ESS2: variants seen among roughly 807,000 people sequenced by gnomAD.
ESS2 encodes ess-2 spliceosome associated protein, also known as splicing factor ESS-2 homolog.
In ESS2, 31 loss-of-function variants were observed where a neutral mutation model predicts 52.0. The observed-to-expected ratio is 0.60, with a 90% CI of 0.45 to 0.81. ESS2 has a LOEUF of 0.81. Among genes scored for constraint, ESS2 ranks in the 30% least tolerant of loss-of-function variants. ESS2 has a pLI of 0.00. For missense variants in ESS2, 602 were observed against 637.2 expected (o/e 0.94, Z 0.59); for synonymous variants, 285 against 259.2 (o/e 1.10, Z -0.95).
In ESS2 at chr22:19,132,323, C is replaced by A. The variant is rs145304535; in HGVS notation, c.*1873G>T. 369 of 1,612,900 alleles carry A rather than the reference C, an allele frequency of 2.3e-4. 4 individuals are homozygous for A. In the African/African-American group the frequency reaches 4.1e-3, roughly 18 times the overall value. On this transcript the variant is annotated 3_prime_UTR_variant, in exon 10 of 10. Transcript: ENST00000252137. The surrounding 1 kb of genome is among the most constrained non-coding windows in gnomAD (Gnocchi z 4.2). Reference sequence around the variant, plus strand: ...ACACCAAGACAGGCTTGAGGCCCGACCACCGGCCCGACCACAAGCTTGGAG... The same window carrying A: ...ACACCAAGACAGGCTTGAGGCCCGAACACCGGCCCGACCACAAGCTTGGAG...
chr22:19,134,822 T>C (rs1291200428), intron 9 of ESS2, among the ~76,000 whole-genome samples: 1 of 152,056 alleles, frequency 6.6e-6, no homozygotes, highest in African/African-American at 2.4e-5. Context: ...TAAAGATGCC[T>C]CTTAGGGACG....
At position 19,131,581 on chromosome 22, in the gene ESS2, T is replaced by G; in HGVS notation, c.*2615A>C. 6.2e-7 allele frequency: 1 copy of G among 1,614,120 alleles called. No homozygotes were observed. The highest frequency in any genetic ancestry group is 8.5e-7 in the Non-Finnish European group (1 of 1,180,020). Reference sequence around the variant, plus strand: ...GTGGAGAGATTCCTTCCTCGGGAGATGGACATCCTGGCAACTGTCAACCAC... The same window carrying G: ...GTGGAGAGATTCCTTCCTCGGGAGAGGGACATCCTGGCAACTGTCAACCAC... On this transcript the variant is annotated 3_prime_UTR_variant, in exon 10 of 10. Coordinates refer to ENST00000252137, the MANE Select transcript of ESS2 (RefSeq NM_022719.3). This position sits in a 1 kb window ranked among gnomAD's most constrained non-coding sequence, Gnocchi z 5.7.
chr22:19,133,203 C>G lies in ESS2; in HGVS notation c.*993G>C, dbSNP rs536312733. 7.2e-5 allele frequency: 11 copies of G among 152,438 alleles called. No homozygotes were observed. Among genetic ancestry groups the G allele is most frequent in the African/African-American group, 2.4e-4 (10 of 41,566 alleles). 9.4% of individuals were successfully genotyped at this position (152,438 alleles called of 1,614,324 possible). ...ACTGGCCGGTCTTTTGTGCTTCCTGCTGGGTCACCCATTGCTCCCAAAGCA... is the reference window on the plus strand; with the variant it reads ...ACTGGCCGGTCTTTTGTGCTTCCTGGTGGGTCACCCATTGCTCCCAAAGCA... On this transcript the variant is annotated 3_prime_UTR_variant, in exon 10 of 10. Transcript: ENST00000252137.
rs911454378 is a variant in ESS2 at position 19,136,932 on chromosome 22, G to A, written c.1035+391C>T. Among the ~76,000 whole-genome samples the A allele has an allele frequency of 5.9e-5, 9 of 152,274 alleles. No individual in the cohort carries two copies. In the South Asian group the frequency reaches 1.7e-3, roughly 28 times the overall value. ...TGACCACTCCTACAACACCAGGCTT[G>A]AGCCGTGTAATCCAGCGTGTCCCAA... is the stretch of plus-strand genomic sequence containing the variant. On this transcript the variant is annotated intron_variant, in intron 8 of 9. Coordinates refer to ENST00000252137, the MANE Select transcript of ESS2 (RefSeq NM_022719.3).
At position 19,131,324 on chromosome 22, in the gene ESS2, G is replaced by A. The variant is rs896932986; in HGVS notation, c.*2872C>T. ...AGCCCAGCCAGACGCCTCCGGTAGT[G>A]TAAATGAGGACAATGCCTGCTGGCC... On this transcript the variant is annotated 3_prime_UTR_variant, in exon 10 of 10. Transcript: ENST00000252137. The surrounding 1 kb of genome is among the most constrained non-coding windows in gnomAD (Gnocchi z 5.7). The A allele has an allele frequency of 1.5e-6, 2 of 1,363,512 alleles. No homozygotes were observed. Among genetic ancestry groups the A allele is most frequent in the Non-Finnish European group, 1.0e-6 (1 of 988,796 alleles). The allele number at this position is 1,363,512 out of a possible 1,614,324, so 84.5% of individuals were successfully genotyped here. A position where few individuals can be genotyped will look rare whatever the true frequency, so the allele number is the denominator to read the frequency against.
At chr22:19,138,174 T>G (rs2083617609) in intron 7 of ESS2, 41 bp downstream of exon 7, 2 of 1,610,050 alleles carry the variant, frequency 1.2e-6, no homozygotes, top group Admixed American at 1.7e-5. Flanking sequence ...CCCCAGGGAG[T>G]CCCAGCAGTA....
intron 1 of ESS2, chr22:19,144,088 T>C (rs2083742433): frequency 1.1e-5 from 11 of 1,006,880 alleles, no homozygotes; most frequent in Non-Finnish European, 1.3e-5. Flanking sequence ...CTCCTCCTTC[T>C]GTGTGCGTGT....
chr22:19,132,504 G>A lies in ESS2; in HGVS notation c.*1692C>T, dbSNP rs1473545009. On this transcript the variant is annotated 3_prime_UTR_variant, in exon 10 of 10. Transcript: ENST00000252137. This position sits in a 1 kb window ranked among gnomAD's most constrained non-coding sequence, Gnocchi z 4.2. ...TGACAATGGCCCCGTTGTGTGTGGT[G>A]GGGGTCGGGGTTGGGGGGCATGGTG... The A allele has an allele frequency of 6.3e-7, 1 of 1,576,108 alleles. No individual in the cohort carries two copies. The highest frequency in any genetic ancestry group is 2.3e-5 in the East Asian group (1 of 44,440).
Position 19,132,184 on chromosome 22 carries a change from A to G in ESS2, c.*2012T>C. The G allele has an allele frequency of 6.2e-7, 1 of 1,613,120 alleles. No homozygotes were observed. The highest frequency in any genetic ancestry group is 8.5e-7 in the Non-Finnish European group (1 of 1,179,326). ...CAGCCCGACGTCAGCCAGCGGCTCC[A>G]CATCGATGAGATCCTCAGCCACTCG... On this transcript the variant is annotated 3_prime_UTR_variant, in exon 10 of 10. Transcript: ENST00000252137. The surrounding 1 kb of genome is among the most constrained non-coding windows in gnomAD (Gnocchi z 4.2).
Position 19,131,385 on chromosome 22 carries a change from G to GT in ESS2, c.*2810dup. On this transcript the variant is annotated 3_prime_UTR_variant, in exon 10 of 10. Transcript: ENST00000252137. The surrounding 1 kb of genome is among the most constrained non-coding windows in gnomAD (Gnocchi z 5.7). ...GGGGATGTAGACGGCAGCGGCGCCA[G>GT]TCGCTCCTGGCACCATGGACGATGC... is the stretch of plus-strand genomic sequence containing the variant. 1.3e-6 allele frequency: 2 copies of GT among 1,573,064 alleles called. No homozygotes were observed. The highest frequency in any genetic ancestry group is 2.7e-5 in the African/African-American group (2 of 73,700).
chr22:19,135,819 G>A (rs1244735300), intron 8 of ESS2, among the ~76,000 whole-genome samples: 1 of 151,204 alleles, frequency 6.6e-6, no homozygotes, highest in African/African-American at 2.4e-5. Context: ...CTTGAGCTCA[G>A]GCATTGGAGA....
Position 19,139,933 on chromosome 22 carries a change from C to T in ESS2, c.492G>A (p.Gln164=). 1.9e-6 allele frequency: 3 copies of T among 1,614,184 alleles called. No homozygotes were observed. The highest frequency in any genetic ancestry group is 2.5e-6 in the Non-Finnish European group (3 of 1,180,028). Residue 164 remains glutamine, a synonymous_variant, in exon 4 of 10, where the codon CAG becomes CAA. Transcript: ENST00000252137. ...TCTCCTTGGCCACCTCCATGATCTC[C>T]TGGAAGGAGGCATTGTCCTCACTCG... The part of the protein sequence containing the change: ...RYTSEDNASF[Q]EIMEVAKERS...
chr22:19,131,491 C>T lies in ESS2; in HGVS notation c.*2705G>A, dbSNP rs762613886. The T allele has an allele frequency of 6.2e-7, 1 of 1,614,188 alleles. No individual in the cohort carries two copies. Among genetic ancestry groups the T allele is most frequent in the Non-Finnish European group, 8.5e-7 (1 of 1,180,040 alleles). ...TACGCAAAAGTCAAATCTGCCTACT[C>T]TGAGCGCCTCAAGTTCAATGTGGCT... On this transcript the variant is annotated 3_prime_UTR_variant, in exon 10 of 10. Transcript: ENST00000252137. This position sits in a 1 kb window ranked among gnomAD's most constrained non-coding sequence, Gnocchi z 5.7.
Position 19,133,382 on chromosome 22 carries a change from G to A in ESS2, c.*814C>T, listed in dbSNP as rs1398306579. 6.6e-6 allele frequency: 1 copy of A among 152,496 alleles called. No homozygotes were observed. Among genetic ancestry groups the A allele is most frequent in the Non-Finnish European group, 1.5e-5 (1 of 68,266 alleles). 9.4% of individuals were successfully genotyped at this position (152,496 alleles called of 1,614,324 possible). On this transcript the variant is annotated 3_prime_UTR_variant, in exon 10 of 10. Coordinates refer to ENST00000252137, the MANE Select transcript of ESS2 (RefSeq NM_022719.3). ...AGGCCCCACGTCCCCCACCCCTTAA[G>A]AGTCCCAGCCTGATCTGTCCAGCAA...
chr22:19,141,527 G>A (rs968427554), intron 3 of ESS2, among the ~76,000 whole-genome samples: 19 of 152,198 alleles, frequency 1.2e-4, no homozygotes, highest in Non-Finnish European at 2.8e-4. Context: ...CAAACATGCT[G>A]AAGATGACAA....
rs768372613 is a variant in ESS2 at position 19,139,196 on chromosome 22, C to T, written c.785G>A (p.Arg262Lys). The change falls in exon 6 of 10, where the codon AGG becomes AAG. Residue 262 changes from arginine (R) to lysine (K), a missense_variant. Coordinates refer to ENST00000252137, the MANE Select transcript of ESS2 (RefSeq NM_022719.3). ...GGCGGCTGCCTGCTGGAGCTGGCAC[C>T]TGCTCAGGGCTTGGCTGAAGGGGTC... ...LRDPFSQALS[R>K]CQLQQAAALN... The T allele has an allele frequency of 1.6e-5, 26 of 1,606,004 alleles. No individual in the cohort carries two copies. The South Asian group carries it at 2.9e-4, about 18-fold the overall frequency.
In ESS2 at chr22:19,131,653, G is replaced by A. The variant is rs375895308; in HGVS notation, c.*2543C>T. 11 of 1,613,892 alleles carry A rather than the reference G, an allele frequency of 6.8e-6. No individual in the cohort carries two copies. The highest frequency in any genetic ancestry group is 3.3e-5 in the South Asian group (3 of 91,054). On this transcript the variant is annotated 3_prime_UTR_variant, in exon 10 of 10. Coordinates refer to ENST00000252137, the MANE Select transcript of ESS2 (RefSeq NM_022719.3). The surrounding 1 kb of genome is among the most constrained non-coding windows in gnomAD (Gnocchi z 5.7). ...GAGATCTTTGAGACCTCTGACGGAC[G>A]GATCTACATCATCATGGAGCTTGGC...
intron 6 of ESS2, among the ~76,000 whole-genome samples, chr22:19,138,698 C>G (rs1263927402): frequency 6.6e-6 from 1 of 152,216 alleles, no homozygotes; most frequent in Non-Finnish European, 1.5e-5. Context: ...CTCTTCCTGC[C>G]TTCCCCACTT....
At chr22:19,140,057 A>T in intron 3 of ESS2, 33 bp from the exon 4 acceptor site, 1 of 1,609,328 alleles carries the variant, frequency 6.2e-7, no homozygotes, top group Non-Finnish European at 8.5e-7. Flanking sequence ...GGAACACAGC[A>T]CCCTTTGCAG....
Sources: allele counts gnomAD v4.1 joint callset (sites outside exome capture counted in the v4.1 genomes callset), GRCh38; gene constraint gnomAD v4.1.1; non-coding constraint Gnocchi (gnomAD v3.1); transcripts MANE v1.5; gene names NCBI Gene and HGNC (gene_info 2026-07-23, HGNC 2026-07-21).